Variants in TRAPPC12 observed in about 807,000 individuals in gnomAD.
TRAPPC12 encodes the protein TPR repeat protein 15.
Under a neutral mutation model 69.2 loss-of-function variants are expected in TRAPPC12, and 61 were observed. The observed-to-expected ratio is 0.88, with a 90% CI of 0.72 to 1.09. The LOEUF (loss-of-function observed/expected upper bound fraction) is 1.09. TRAPPC12 is among the 50% of genes least tolerant of loss of function. TRAPPC12 has a pLI of 0.00. For synonymous variants in TRAPPC12, 469 were observed against 438.9 expected (o/e 1.07, Z -0.86); for missense variants, 1,101 against 1,016.4 (o/e 1.08, Z -1.13).
intron 1 of TRAPPC12, among the ~76,000 whole-genome samples, chr2:3,383,557 C>G (rs1660327600): frequency 6.6e-6 from 1 of 151,932 alleles, no homozygotes; most frequent in South Asian, 2.1e-4. Flanking sequence ...CAGGTGCCCG[C>G]CACCACACCT....
At position 3,457,660 on chromosome 2, in the gene TRAPPC12, G is replaced by A. The variant is rs758548825; in HGVS notation, c.1570G>A (p.Gly524Ser). 46 of 1,611,746 alleles carry A rather than the reference G, an allele frequency of 2.9e-5. No homozygotes were observed. The highest frequency in any genetic ancestry group is 4.0e-5 in the African/African-American group (3 of 74,884). The change falls in exon 7 of 12, where the codon GGC becomes AGC. Residue 524 changes from glycine (G) to serine (S), a missense_variant. Gly to Ser is a moderately conservative substitution (Grantham distance 56). Coordinates refer to ENST00000324266, the MANE Select transcript of TRAPPC12 (RefSeq NM_016030.6). ...GGAGCAAGGCTTAGCAGAAGACGGC[G>A]GCATGAGCAGCGTGACTCAGGAGGG... ...NLEQGLAEDG[G>S]MSSVTQEGRQ...
In TRAPPC12 at chr2:3,421,999, G is replaced by A. The variant is rs1558369896; in HGVS notation, c.1278+5G>A. 6.2e-7 allele frequency: 1 copy of A among 1,607,722 alleles called. No homozygotes were observed. The highest frequency in any genetic ancestry group is 8.5e-7 in the Non-Finnish European group (1 of 1,176,988). On this transcript the variant is annotated splice_donor_5th_base_variant and intron_variant, in intron 4 of 11. Coordinates refer to ENST00000324266, the MANE Select transcript of TRAPPC12 (RefSeq NM_016030.6). ...CACACGACAGATTCACTGCAGGTGA[G>A]AACACCTTTCAGGTGCTGGAGTTTA...
intron 10 of TRAPPC12, 92 bp downstream of exon 10, chr2:3,477,887 C>T: frequency 1.3e-6 from 1 of 769,990 alleles, no homozygotes; most frequent in Non-Finnish European, 2.0e-6. Flanking sequence ...CTAGAGAAGG[C>T]GCTTCTCCCT....
chr2:3,434,397 T>C (rs2103079127), intron 5 of TRAPPC12, among the ~76,000 whole-genome samples: 1 of 152,368 alleles, frequency 6.6e-6, no homozygotes, highest in South Asian at 2.1e-4. Context: ...TTCTCTTTCA[T>C]ATGAAGTTGC....
chr2:3,405,365 G>T (rs1010755054), intron 3 of TRAPPC12, among the ~76,000 whole-genome samples: 1 of 151,982 alleles, frequency 6.6e-6, no homozygotes, highest in Non-Finnish European at 1.5e-5. Context: ...TACACAGTCC[G>T]CACAGCCCAG....
chr2:3,417,665 A>T (rs2103506269), intron 3 of TRAPPC12, among the ~76,000 whole-genome samples: 1 of 152,250 alleles, frequency 6.6e-6, no homozygotes. Context: ...TGAATGAGGA[A>T]ATGCAGATTC....
At chr2:3,447,372 A>G (rs1403453305) in intron 6 of TRAPPC12, among the ~76,000 whole-genome samples, 4 of 152,218 alleles carry the variant, frequency 2.6e-5, no homozygotes, top group Admixed American at 1.3e-4. Flanking sequence ...TACTGGGATT[A>G]CAGGCATGAG....
In TRAPPC12 at chr2:3,479,378, A is replaced by G. The variant is rs547826293; in HGVS notation, c.2125A>G (p.Met709Val). 3 of 1,614,182 alleles carry G rather than the reference A, an allele frequency of 1.9e-6. No individual in the cohort carries two copies. The African/African-American group carries it at 4.0e-5, about 22-fold the overall frequency. The stretch of plus-strand genomic sequence containing the variant: ...GTACGAGCTGGAGTCCTCACGGAGC[A>G]TGCAGAAGAAACAGGCCCTGCTGGA... ...TMYELESSRS[M>V]QKKQALLEAV... Residue 709 changes from methionine to valine, a missense_variant, in exon 12 of 12, where the codon ATG becomes GTG. Transcript: ENST00000324266.
intron 1 of TRAPPC12, among the ~76,000 whole-genome samples, chr2:3,384,513 T>C (rs1660405402): frequency 6.6e-6 from 1 of 152,250 alleles, no homozygotes; most frequent in Non-Finnish European, 1.5e-5. Context: ...TGACAGGTTT[T>C]ATCTTGAGCA....
intron 2 of TRAPPC12, among the ~76,000 whole-genome samples, chr2:3,394,635 A>AG (rs1661015974): frequency 1.3e-5 from 2 of 151,724 alleles, no homozygotes; most frequent in African/African-American, 2.4e-5. Context: ...TAAAAAAAAA[A>AG]AGGGGGGGGA....
intron 3 of TRAPPC12, among the ~76,000 whole-genome samples, chr2:3,410,858 C>T (rs1384050179): frequency 5.9e-5 from 9 of 152,032 alleles, no homozygotes; most frequent in Admixed American, 4.6e-4. Context: ...GGTGAAACCC[C>T]GTCTCTAGTA....
At chr2:3,403,229 A>ATTTT (rs1661550003) in intron 3 of TRAPPC12, among the ~76,000 whole-genome samples, 2 of 88,014 alleles carry the variant, frequency 2.3e-5, no homozygotes, top group African/African-American at 1.0e-4. Flanking sequence ...AGATTTCACC[A>ATTTT]ATTTTTTTTT....
intron 6 of TRAPPC12, among the ~76,000 whole-genome samples, chr2:3,446,782 T>C (rs1000807110): frequency 1.3e-5 from 2 of 152,242 alleles, no homozygotes; most frequent in African/African-American, 4.8e-5. Context: ...TACTGCACAC[T>C]GGCAGTTCGG....
At chr2:3,445,175 A>G (rs1002454483) in intron 6 of TRAPPC12, among the ~76,000 whole-genome samples, 1 of 119,522 alleles carries the variant, frequency 8.4e-6, no homozygotes, top group African/African-American at 3.3e-5. Flanking sequence ...TAGTTTTGCA[A>G]GTCAGCTTTC....
chr2:3,411,632 T>G (rs967897647), intron 3 of TRAPPC12, among the ~76,000 whole-genome samples: 1 of 152,270 alleles, frequency 6.6e-6, no homozygotes, highest in East Asian at 1.9e-4. Flanking sequence ...TATCAATTTG[T>G]GTCTTTTTAT....
At position 3,419,925 on chromosome 2, in the gene TRAPPC12, C is replaced by T. The variant is rs575252179; in HGVS notation, c.1165-1956C>T. Among the ~76,000 whole-genome samples the T allele has an allele frequency of 6.7e-4, 102 of 152,314 alleles. No individual in the cohort carries two copies. In the Middle Eastern group the frequency reaches 0.017, roughly 25 times the overall value. ...CACTGCTAGGGAAGGCAAGATGGCA[C>T]GGCCACTTAGGAAGACAGCTTGGCG... On this transcript the variant is annotated intron_variant, in intron 3 of 11. Coordinates refer to ENST00000324266, the MANE Select transcript of TRAPPC12 (RefSeq NM_016030.6).
At chr2:3,413,841 A>G (rs1220994750) in intron 3 of TRAPPC12, among the ~76,000 whole-genome samples, 2 of 152,182 alleles carry the variant, frequency 1.3e-5, no homozygotes, top group Non-Finnish European at 2.9e-5. Flanking sequence ...AGTATGCGTA[A>G]TCATCTCACC....
In TRAPPC12 at chr2:3,469,698, TGC is replaced by T. The variant is rs1306359934; in HGVS notation, c.1776+4005_1776+4006del. Among the ~76,000 whole-genome samples, 3 of 152,316 alleles carry T rather than the reference TGC, an allele frequency of 2.0e-5. No individual in the cohort carries two copies. The East Asian group carries it at 5.8e-4, about 29-fold the overall frequency. Reference sequence around the variant, plus strand: ...CCTCCTCAGGCCATGTCACCTTATGTGCGTGCATCTCTCTGGGGGCCCAGGCT... The same window carrying T: ...CCTCCTCAGGCCATGTCACCTTATGTGTGCATCTCTCTGGGGGCCCAGGCT... On this transcript the variant is annotated intron_variant, in intron 9 of 11. Transcript: ENST00000324266.
chr2:3,475,544 C>T (rs971230686), intron 9 of TRAPPC12, among the ~76,000 whole-genome samples: 2 of 151,664 alleles, frequency 1.3e-5, no homozygotes, highest in Non-Finnish European at 2.9e-5. Flanking sequence ...ATTTTGTATC[C>T]TAATTACATT....
Sources: gnomAD v4.1 joint callset for allele counts (sites outside exome capture counted in the v4.1 genomes callset) on GRCh38, gnomAD v4.1.1 for gene constraint, MANE v1.5 for transcripts, NCBI Gene and HGNC (gene_info 2026-07-23, HGNC 2026-07-21) for gene names.